Variants in SEL1L2 observed in about 807,000 individuals in gnomAD.
SEL1L2 encodes the protein SEL1L2 adaptor subunit of SYVN1 ubiquitin ligase.
In SEL1L2, 89 loss-of-function variants were observed where a neutral mutation model predicts 98.8. The observed-to-expected ratio is 0.90, with a 90% CI of 0.76 to 1.07. The LOEUF is 1.07. SEL1L2 is among the 50% of genes least tolerant of loss of function. SEL1L2 has a pLI of 0.00. For synonymous variants in SEL1L2, 262 were observed against 278.5 expected, an observed-to-expected ratio of 0.94 and a Z score of 0.59; for missense variants, 788 against 812.0, an observed-to-expected ratio of 0.97 and a Z score of 0.36.
chr20:13,875,066 A>G (rs80285491), intron 12 of SEL1L2, among the ~76,000 whole-genome samples: 3 of 152,190 alleles, frequency 2.0e-5, no homozygotes, highest in Admixed American at 2.0e-4. Context: ...GAGGCATATT[A>G]TACCATTTCG....
At chr20:13,985,020 T>C (rs184316487) in intron 1 of SEL1L2, among the ~76,000 whole-genome samples, 42 of 152,314 alleles carry the variant, frequency 2.8e-4, no homozygotes, top group Non-Finnish European at 4.4e-4. Flanking sequence ...AGTCACCCTA[T>C]AGTGCTATAG....
At chr20:13,856,732 A>G (rs1391187645) in intron 18 of SEL1L2, among the ~76,000 whole-genome samples, 1 of 152,184 alleles carries the variant, frequency 6.6e-6, no homozygotes, top group African/African-American at 2.4e-5. Flanking sequence ...TTACCAAGAG[A>G]TGATTTATAC....
At chr20:13,947,066 G>A (rs1024140496) in intron 2 of SEL1L2, among the ~76,000 whole-genome samples, 8 of 152,188 alleles carry the variant, frequency 5.3e-5, no homozygotes, top group African/African-American at 1.9e-4. Context: ...TGGGTGGAAA[G>A]GGGCAGGTCC....
chr20:13,984,827 T>C (rs2052079000), intron 1 of SEL1L2, among the ~76,000 whole-genome samples: 1 of 152,152 alleles, frequency 6.6e-6, no homozygotes, highest in Non-Finnish European at 1.5e-5. Flanking sequence ...AATTAACATA[T>C]AATAATTGTA....
At chr20:13,939,058 T>TTTTTTTTTTTTTTTTTTTTTTTTTTTTG (rs2049617601) in intron 2 of SEL1L2, among the ~76,000 whole-genome samples, 2 of 119,186 alleles carry the variant, frequency 1.7e-5, no homozygotes, top group Non-Finnish European at 3.7e-5. Context: ...TTTTTTTTTT[T>TTTTTTTTTTTTTTTTTTTTTTTTTTTTG]TCTGAGATGG....
chr20:13,895,460 A>AAG lies in SEL1L2; in HGVS notation c.550-6949_550-6948insCT, dbSNP rs1443045592. On this transcript the variant is annotated intron_variant, in intron 5 of 19. Transcript: ENST00000284951. ...CAGATCTTGTCCTAAAAAAAAAAAA[A>AAG]AAAAAAAGCCAGTTACCATAATACA... is the stretch of plus-strand genomic sequence containing the variant. 2.0e-5 allele frequency among the ~76,000 whole-genome samples: 3 copies of AAG among 151,834 alleles called. No homozygotes were observed. The East Asian group carries it at 5.8e-4, about 29-fold the overall frequency.
chr20:13,901,108 T>TAG (rs2047657961), intron 5 of SEL1L2, among the ~76,000 whole-genome samples: 1 of 149,536 alleles, frequency 6.7e-6, no homozygotes, highest in Non-Finnish European at 1.5e-5. Context: ...TCTTGCTCTG[T>TAG]CCTCCAGGCT....
At chr20:13,855,250 T>C (rs986898343) in intron 18 of SEL1L2, among the ~76,000 whole-genome samples, 1 of 152,066 alleles carries the variant, frequency 6.6e-6, no homozygotes, top group East Asian at 1.9e-4. Context: ...CTAGAATCTA[T>C]ATAGGGCAAA....
At chr20:13,938,846 T>C (rs2049586583) in intron 2 of SEL1L2, among the ~76,000 whole-genome samples, 1 of 152,092 alleles carries the variant, frequency 6.6e-6, no homozygotes, top group Admixed American at 6.6e-5. Context: ...CTATATTAAC[T>C]ATATATGTTT....
intron 5 of SEL1L2, among the ~76,000 whole-genome samples, chr20:13,895,727 T>A (rs2047395176): frequency 6.6e-6 from 1 of 152,166 alleles, no homozygotes; most frequent in Non-Finnish European, 1.5e-5. Context: ...TTCAGCATAG[T>A]CATGGAAGTC....
intron 2 of SEL1L2, among the ~76,000 whole-genome samples, chr20:13,940,813 T>G (rs111683361): frequency 5.3e-5 from 8 of 152,014 alleles, no homozygotes; most frequent in Admixed American, 2.0e-4. Context: ...GGCAGGAGAA[T>G]TGCTTGAACC....
intron 1 of SEL1L2, among the ~76,000 whole-genome samples, chr20:13,977,447 G>A (rs2051595638): frequency 6.6e-6 from 1 of 152,206 alleles, no homozygotes; most frequent in Non-Finnish European, 1.5e-5. Flanking sequence ...TAATCAATGA[G>A]CTGTTGGCGT....
intron 4 of SEL1L2, 34 bp downstream of exon 4, chr20:13,918,987 T>C (rs1217995614): frequency 7.0e-7 from 1 of 1,435,446 alleles, no homozygotes; most frequent in Admixed American, 2.0e-5. Flanking sequence ...ACCTGGAAAT[T>C]CAACTTGGCT....
chr20:13,913,693 G>T, intron 5 of SEL1L2, 89 bp downstream of exon 5: 1 of 1,194,252 alleles, frequency 8.4e-7, no homozygotes, highest in Non-Finnish European at 1.1e-6. Flanking sequence ...CAGCAGAGCT[G>T]GAATACTATT....
intron 11 of SEL1L2, among the ~76,000 whole-genome samples, chr20:13,876,759 G>A (rs576086072): frequency 2.6e-4 from 39 of 152,330 alleles, no homozygotes; most frequent in African/African-American, 8.2e-4. Context: ...ATATTGGGGA[G>A]TGGGGTGGTC....
chr20:13,943,664 A>C (rs139498635), intron 2 of SEL1L2, among the ~76,000 whole-genome samples: 121 of 152,324 alleles, frequency 7.9e-4, no homozygotes, highest in African/African-American at 2.8e-3. Flanking sequence ...TCTGAGAACT[A>C]TACAAAAAAG....
intron 2 of SEL1L2, 64 bp from the exon 3 acceptor site, chr20:13,931,835 G>T: frequency 7.6e-7 from 1 of 1,316,958 alleles, no homozygotes; most frequent in Non-Finnish European, 1.0e-6. Flanking sequence ...TGAAACAACA[G>T]GAAAGTGAAA....
chr20:13,896,758 GA>G (rs2047445365), intron 5 of SEL1L2, among the ~76,000 whole-genome samples: 1 of 152,082 alleles, frequency 6.6e-6, no homozygotes, highest in Admixed American at 6.5e-5. Context: ...ATAAATGAAA[GA>G]AGATACAAAT....
intron 1 of SEL1L2, among the ~76,000 whole-genome samples, chr20:13,984,595 T>G (rs1156896841): frequency 6.6e-6 from 1 of 152,188 alleles, no homozygotes. Flanking sequence ...TCCTACTAGT[T>G]ACACTGTCAC....
Sources: gnomAD v4.1 joint callset for allele counts (sites outside exome capture counted in the v4.1 genomes callset) on GRCh38, gnomAD v4.1.1 for gene constraint, MANE v1.5 for transcripts, NCBI Gene and HGNC (gene_info 2026-07-23, HGNC 2026-07-21) for gene names.